Variants in UNC93A observed in about 807,000 individuals in gnomAD.
The protein encoded by UNC93A is unc-93 homolog A.
A neutral mutation model predicts 47.5 loss-of-function variants in UNC93A; 43 were observed. The ratio of observed to expected loss-of-function variants is 0.91; its 90% CI spans 0.71 to 1.17. The LOEUF is 1.17. Among genes scored for constraint, UNC93A ranks in the 50% most tolerant of loss-of-function variants. The probability of loss-of-function intolerance (pLI) is 0.00; values close to 1 mark genes in which losing one functional copy is unlikely to be tolerated. For missense variants in UNC93A, 605 were observed against 577.6 expected (o/e 1.05, Z -0.49); for synonymous variants, 280 against 258.0 (o/e 1.09, Z -0.82).
intron 1 of UNC93A, among the ~76,000 whole-genome samples, chr6:167,293,376 C>T (rs1364525083): frequency 6.6e-6 from 1 of 152,164 alleles, no homozygotes; most frequent in African/African-American, 2.4e-5. Flanking sequence ...CCCCTCCACT[C>T]CAGCTCCACC....
intron 5 of UNC93A, among the ~76,000 whole-genome samples, chr6:167,305,201 A>T (rs924241027): frequency 1.3e-5 from 2 of 152,226 alleles, no homozygotes; most frequent in African/African-American, 4.8e-5. Context: ...TCTCTCCAGG[A>T]GTATGCCCAG....
chr6:167,293,246 T>A (rs1783883202), intron 1 of UNC93A, among the ~76,000 whole-genome samples: 1 of 152,078 alleles, frequency 6.6e-6, no homozygotes, highest in East Asian at 1.9e-4. Flanking sequence ...TTCCCACTCC[T>A]CCTGGGCTGG....
chr6:167,270,789 C>T (rs1783438940), upstream of UNC93A, among the ~76,000 whole-genome samples: 1 of 152,180 alleles, frequency 6.6e-6, no homozygotes, highest in African/African-American at 2.4e-5. Flanking sequence ...TCCCCGAACA[C>T]CAGAGCTAAG....
At chr6:167,284,242 T>A (rs564962187) in intron 1 of UNC93A, among the ~76,000 whole-genome samples, 2 of 151,842 alleles carry the variant, frequency 1.3e-5, no homozygotes, top group East Asian at 1.9e-4. Flanking sequence ...CAGCATGGAA[T>A]CTTTCTTCTT....
chr6:167,295,982 A>T (rs1778075129), intron 2 of UNC93A, 50 bp from the exon 3 acceptor site: 1 of 1,562,944 alleles, frequency 6.4e-7, no homozygotes, highest in Non-Finnish European at 8.8e-7. Context: ...CATGGGTGCA[A>T]TGGGCTTGCG....
At position 167,303,969 on chromosome 6, in the gene UNC93A, C is replaced by G. The variant is rs145360877; in HGVS notation, c.676C>G (p.Arg226Gly). Residue 226 changes from arginine (R) to glycine (G), a missense_variant, in exon 5 of 8, where the codon CGA becomes GGA. Physicochemically the swap from Arg to Gly is moderately radical, Grantham distance 125 (BLOSUM62 -2). Coordinates refer to ENST00000230256, the MANE Select transcript of UNC93A (RefSeq NM_018974.4). ...GATAGCTGCGTTCCTCCAACCCATA[C>G]GAGATGTTCAGCGGGAAAGTGAAGG... ...LMIAAFLQPI[R>G]DVQRESEGEK... 1.2e-6 allele frequency: 2 copies of G among 1,613,600 alleles called. No individual in the cohort carries two copies. Among genetic ancestry groups the G allele is most frequent in the South Asian group, 2.2e-5 (2 of 91,040 alleles).
At chr6:167,303,508 G>A (rs1464987337) in intron 4 of UNC93A, among the ~76,000 whole-genome samples, 1 of 151,904 alleles carries the variant, frequency 6.6e-6, no homozygotes, top group African/African-American at 2.4e-5. Context: ...TGTAGCAAAT[G>A]GTACCTTGTG....
chr6:167,292,149 T>G (rs1783855961), intron 1 of UNC93A, among the ~76,000 whole-genome samples: 1 of 152,194 alleles, frequency 6.6e-6, no homozygotes, highest in Non-Finnish European at 1.5e-5. Context: ...GACATAGACC[T>G]GACACATTTT....
intron 7 of UNC93A, among the ~76,000 whole-genome samples, 195 bp downstream of exon 7, chr6:167,308,105 T>C (rs963900207): frequency 6.6e-6 from 1 of 152,194 alleles, no homozygotes; most frequent in African/African-American, 2.4e-5. Flanking sequence ...AGATTCATGA[T>C]GCAAAACTGG....
chr6:167,302,081 C>T (rs1171958852), intron 4 of UNC93A, among the ~76,000 whole-genome samples: 5 of 152,220 alleles, frequency 3.3e-5, no homozygotes, highest in African/African-American at 4.8e-5. Flanking sequence ...AGCCAGATAA[C>T]GGAAAGTAAA....
intron 1 of UNC93A, among the ~76,000 whole-genome samples, chr6:167,292,588 A>G (rs926588614): frequency 6.6e-6 from 1 of 152,224 alleles, no homozygotes; most frequent in Non-Finnish European, 1.5e-5. Context: ...TACAGAGGAT[A>G]AAATGGCAGC....
Position 167,284,308 on chromosome 6 carries a change from G to A in UNC93A, c.-51-7131G>A, listed in dbSNP as rs1195590803. Among the ~76,000 whole-genome samples the A allele has an allele frequency of 2.6e-5, 4 of 151,808 alleles. 1 individual carries two copies. The highest frequency in any genetic ancestry group is 1.9e-4 in the East Asian group (1 of 5,208). On this transcript the variant is annotated intron_variant, in intron 1 of 3. Coordinates refer to the UNC93A transcript ENST00000503433. ...CATAGACCACAATGATAACAGTTGCGTGAGCTTCTAGAGACTGGCCCAGTG... is the reference window on the plus strand; with the variant it reads ...CATAGACCACAATGATAACAGTTGCATGAGCTTCTAGAGACTGGCCCAGTG...
In UNC93A at chr6:167,304,065, T is replaced by C. The variant is rs1778314506; in HGVS notation, c.772T>C (p.Cys258Arg). Residue 258 changes from cysteine (C) to arginine (R), a missense_variant, in exon 5 of 8, where the codon TGC (cysteine) becomes CGC (arginine). Transcript: ENST00000230256. ...CAAGCTATATAGAGATAAACGTCTGTGCCTCTTAATTCTGCTGCCGCTGTA... is the reference window on the plus strand; with the variant it reads ...CAAGCTATATAGAGATAAACGTCTGCGCCTCTTAATTCTGCTGCCGCTGTA... ...TFKLYRDKRL[C>R]LLILLPLYSG... 2 of 1,614,044 alleles carry C rather than the reference T, an allele frequency of 1.2e-6. No individual in the cohort carries two copies. Among genetic ancestry groups the C allele is most frequent in the Non-Finnish European group, 1.7e-6 (2 of 1,180,038 alleles).
At chr6:167,298,301 T>C (rs1583078897) in intron 4 of UNC93A, 1 of 498,024 alleles carries the variant, frequency 2.0e-6, no homozygotes, top group Non-Finnish European at 3.3e-6. Flanking sequence ...GTTATACATC[T>C]CCAGAGCCCA....
intron 1 of UNC93A, among the ~76,000 whole-genome samples, chr6:167,273,739 C>T (rs1295685331): frequency 6.6e-6 from 1 of 152,036 alleles, no homozygotes; most frequent in South Asian, 2.1e-4. Flanking sequence ...AAAGGTGGCA[C>T]ACCAGGAAGC....
In UNC93A at chr6:167,305,838, G is replaced by A. The variant is rs1778369951; in HGVS notation, c.841-77G>A. On this transcript the variant is annotated intron_variant, in intron 5 of 7. Transcript: ENST00000230256. ...GGCCATCTCAGAGCAGATGTTCTAA[G>A]CACCCGACTGCAGCTTTAGCTTGAG... 3 of 1,599,808 alleles carry A rather than the reference G, an allele frequency of 1.9e-6. No individual in the cohort carries two copies. The South Asian group carries it at 3.3e-5, about 18-fold the overall frequency.
At chr6:167,299,164 G>A (rs927586572) in intron 4 of UNC93A, among the ~76,000 whole-genome samples, 4 of 146,616 alleles carry the variant, frequency 2.7e-5, no homozygotes, top group Admixed American at 2.7e-4. Context: ...ATTTATATAT[G>A]CATGTACATA....
rs1327591705 is a variant in UNC93A at position 167,273,584 on chromosome 6, G to A, written c.-52+2126G>A. Among the ~76,000 whole-genome samples, 3 of 152,206 alleles carry A rather than the reference G, an allele frequency of 2.0e-5. No individual in the cohort carries two copies. In the South Asian group the frequency reaches 6.2e-4, roughly 31 times the overall value. On this transcript the variant is annotated intron_variant, in intron 1 of 3. Transcript: ENST00000503433. The stretch of plus-strand genomic sequence containing the variant: ...TGGAGAGATTTATTCTGAGCCAAAC[G>A]TGAGTGACCATGGCCCGTGACACAG...
In UNC93A at chr6:167,307,428, TTGAGATGGTTGAGACAGTTCCAGAGGAC is replaced by T. The variant is rs1778429158; in HGVS notation, c.977-350_977-323del. ...CAGTTCCAGAGGATGGTTGAGACGGTTGAGATGGTTGAGACAGTTCCAGAGGACGGTTCCAGAGGACGGTTGAGATGGT... is the reference window on the plus strand; with the variant it reads ...CAGTTCCAGAGGATGGTTGAGACGGTGGTTCCAGAGGACGGTTGAGATGGT... On this transcript the variant is annotated intron_variant, in intron 6 of 7. Transcript: ENST00000230256. Among the ~76,000 whole-genome samples, 7 of 94,246 alleles carry T rather than the reference TTGAGATGGTTGAGACAGTTCCAGAGGAC, an allele frequency of 7.4e-5. No homozygotes were observed. The South Asian group carries it at 2.6e-3, about 35-fold the overall frequency. 61.8% of individuals were successfully genotyped at this position (94,246 alleles called of 152,430 possible).
Sources: allele counts gnomAD v4.1 joint callset (sites outside exome capture counted in the v4.1 genomes callset), GRCh38; gene constraint gnomAD v4.1.1; transcripts MANE v1.5; gene names NCBI Gene and HGNC (gene_info 2026-07-23, HGNC 2026-07-21).